The following NGEF variants were observed in gnomAD, a reference collection of about 807,000 sequenced individuals.
NGEF encodes neuronal guanine nucleotide exchange factor, also known as ephexin-1.
In NGEF, 31 loss-of-function variants were observed where a neutral mutation model predicts 80.9. The ratio of observed to expected loss-of-function variants is 0.38; its 90% CI spans 0.29 to 0.52. The LOEUF (loss-of-function observed/expected upper bound fraction) is 0.52, where lower values mean the gene tolerates loss of function less well. Among genes scored for constraint, NGEF ranks in the 20% least tolerant of loss-of-function variants. The probability of loss-of-function intolerance (pLI) is 0.84; values close to 1 mark genes in which losing one functional copy is unlikely to be tolerated. For missense variants in NGEF, 709 were observed against 926.2 expected (o/e 0.77, Z 3.04); for synonymous variants, 371 against 370.2 (o/e 1.00, Z -0.03).
At chr2:232,945,728 A>G (rs1693543698) in intron 3 of NGEF, among the ~76,000 whole-genome samples, 1 of 152,172 alleles carries the variant, frequency 6.6e-6, no homozygotes, top group African/African-American at 2.4e-5. Flanking sequence ...AAAGCCACCC[A>G]GTTTGTGGTG....
At chr2:232,907,188 G>GAAAAAAAAGAAA (rs1692585430) in intron 5 of NGEF, among the ~76,000 whole-genome samples, 3 of 113,162 alleles carry the variant, frequency 2.7e-5, no homozygotes, top group Non-Finnish European at 5.2e-5. Flanking sequence ...AGAAAAAAAA[G>GAAAAAAAAGAAA]AAAAAAAAAA....
chr2:232,979,780 C>T (rs1694371451), intron 1 of NGEF, among the ~76,000 whole-genome samples: 1 of 152,190 alleles, frequency 6.6e-6, no homozygotes, highest in East Asian at 1.9e-4. Context: ...AATAAGCTTC[C>T]TCAGGACAGG....
intron 1 of NGEF, among the ~76,000 whole-genome samples, chr2:232,988,082 T>A (rs1036572992): frequency 4.1e-5 from 6 of 147,312 alleles, no homozygotes; most frequent in Non-Finnish European, 6.0e-5. Flanking sequence ...TGTGTGTGTG[T>A]GAGTGACAAT....
intron 5 of NGEF, among the ~76,000 whole-genome samples, chr2:232,901,055 C>A (rs144845535): frequency 6.6e-6 from 1 of 152,212 alleles, no homozygotes. Flanking sequence ...AAAGAGGAAC[C>A]AGGACACCAA....
chr2:232,882,581 G>A (rs1330808733), intron 12 of NGEF, among the ~76,000 whole-genome samples: 1 of 152,234 alleles, frequency 6.6e-6, no homozygotes, highest in Non-Finnish European at 1.5e-5. Flanking sequence ...CACATTCCGT[G>A]GCCACAGCCA....
intron 8 of NGEF, 69 bp from the exon 9 acceptor site, chr2:232,888,176 C>T (rs892951341): frequency 1.4e-5 from 17 of 1,174,164 alleles, no homozygotes; most frequent in African/African-American, 3.0e-5. Flanking sequence ...CCACCTTGAC[C>T]GTGACTACCT....
chr2:232,927,245 T>A (rs1431263541), intron 3 of NGEF, 59 bp from the exon 4 acceptor site: 1 of 1,493,846 alleles, frequency 6.7e-7, no homozygotes, highest in East Asian at 2.4e-5. Flanking sequence ...TCACCTCGGC[T>A]GGCTAGCGAG....
intron 3 of NGEF, among the ~76,000 whole-genome samples, chr2:232,966,017 C>A (rs2106317488): frequency 6.6e-6 from 1 of 152,356 alleles, no homozygotes; most frequent in African/African-American, 2.4e-5. Context: ...ACATGCAAAG[C>A]TTTGCTGGCT....
intron 13 of NGEF, 106 bp from the exon 14 acceptor site, chr2:232,881,356 G>A (rs1691500332): frequency 1.3e-6 from 1 of 799,696 alleles, no homozygotes; most frequent in Non-Finnish European, 2.1e-6. Context: ...AACTCCCACA[G>A]CAACTGGAGA....
intron 5 of NGEF, among the ~76,000 whole-genome samples, chr2:232,899,796 T>A (rs62647544): frequency 0.31 from 36,691 of 119,424 alleles, 6,071 homozygotes; most frequent in Middle Eastern, 0.4. Flanking sequence ...TCACATTCAC[T>A]CACACACACG....
intron 1 of NGEF, among the ~76,000 whole-genome samples, chr2:233,003,181 G>A (rs980148013): frequency 2.6e-5 from 4 of 152,152 alleles, no homozygotes; most frequent in Admixed American, 2.6e-4. Context: ...AGCATTCCTG[G>A]TGCATACAAG....
intron 1 of NGEF, among the ~76,000 whole-genome samples, chr2:232,982,379 A>T (rs1199018030): frequency 6.6e-6 from 1 of 152,162 alleles, no homozygotes; most frequent in Non-Finnish European, 1.5e-5. Context: ...GATGGGGCTT[A>T]TTGAGGCAAA....
intron 1 of NGEF, among the ~76,000 whole-genome samples, chr2:233,010,320 G>A (rs578097416): frequency 7.9e-5 from 12 of 152,296 alleles, no homozygotes; most frequent in Non-Finnish European, 1.3e-4. Context: ...ATCTGTGAAC[G>A]TATGCTATTT....
chr2:232,946,991 A>G (rs1394247784), intron 3 of NGEF, among the ~76,000 whole-genome samples: 1 of 152,234 alleles, frequency 6.6e-6, no homozygotes, highest in Non-Finnish European at 1.5e-5. Flanking sequence ...GAGGAGTGCT[A>G]GAACATTCCC....
At chr2:232,949,973 G>A (rs1256215281) in intron 3 of NGEF, among the ~76,000 whole-genome samples, 6 of 151,826 alleles carry the variant, frequency 4.0e-5, no homozygotes, top group Non-Finnish European at 5.9e-5. Flanking sequence ...CACCATGCCC[G>A]GCTAATTTCT....
intron 8 of NGEF, among the ~76,000 whole-genome samples, 179 bp from the exon 9 acceptor site, chr2:232,888,286 G>C (rs578158761): frequency 2.0e-5 from 3 of 150,764 alleles, no homozygotes; most frequent in Admixed American, 2.0e-4. Context: ...ACAGACCTGC[G>C]TGTGCACACA....
intron 5 of NGEF, among the ~76,000 whole-genome samples, chr2:232,900,613 TAC>T (rs1358341323): frequency 1.3e-4 from 5 of 37,718 alleles, no homozygotes; most frequent in South Asian, 1.3e-3. Context: ...TTCACTCACA[TAC>T]ACACACGCTC....
intron 1 of NGEF, among the ~76,000 whole-genome samples, chr2:233,010,111 T>C (rs905536645): frequency 1.3e-5 from 2 of 152,168 alleles, no homozygotes; most frequent in Admixed American, 1.3e-4. Context: ...CAGACTGGTC[T>C]TGAACTTCTG....
At chr2:232,988,063 G>GTGTGTGTA (rs1694571683) in intron 1 of NGEF, among the ~76,000 whole-genome samples, 1 of 151,912 alleles carries the variant, frequency 6.6e-6, no homozygotes, top group Admixed American at 6.6e-5. Context: ...GTGTGTGTGT[G>GTGTGTGTA]TGTGTGTGTG....
Sources: allele counts gnomAD v4.1 joint callset (sites outside exome capture counted in the v4.1 genomes callset), GRCh38; gene constraint gnomAD v4.1.1; transcripts MANE v1.5; gene names NCBI Gene and HGNC (gene_info 2026-07-23, HGNC 2026-07-21).